The following LHX4 variants were observed in gnomAD, a reference collection of about 807,000 sequenced individuals.
LHX4 encodes the protein LIM homeobox 4, also known as LIM/homeobox protein Lhx4.
A neutral mutation model predicts 39.2 loss-of-function variants in LHX4; 16 were observed. The observed-to-expected ratio is 0.41, with a 90% CI of 0.28 to 0.62. The LOEUF (loss-of-function observed/expected upper bound fraction) is 0.62, where lower values mean the gene tolerates loss of function less well. Among genes scored for constraint, LHX4 ranks in the 20% least tolerant of loss-of-function variants. The pLI, the probability that LHX4 is intolerant of heterozygous loss-of-function variation, is 0.33. For synonymous variants in LHX4, 206 were observed against 198.1 expected (o/e 1.04, Z -0.33); for missense variants, 439 against 511.9 (o/e 0.86, Z 1.37).
Position 180,276,964 on chromosome 1 carries a change from A to G in LHX4, c.*2385A>G, listed in dbSNP as rs866786137. The G allele has an allele frequency of 1.3e-5, 2 of 152,216 alleles. No individual in the cohort carries two copies. The highest frequency in any genetic ancestry group is 6.5e-5 in the Admixed American group (1 of 15,284). 9.4% of individuals were successfully genotyped at this position (152,216 alleles called of 1,614,324 possible). A position where few individuals can be genotyped will look rare whatever the true frequency, so the allele number is the denominator to read the frequency against. ...GGAGAGGCCTTCCTCATTTATACTA[A>G]TAATATAATAAATCTCTTGAGGAAC... On this transcript the variant is annotated 3_prime_UTR_variant, in exon 6 of 6. Coordinates refer to ENST00000263726, the MANE Select transcript of LHX4 (RefSeq NM_033343.4).
rs1383693164 is a variant in LHX4 at position 180,271,468 on chromosome 1, C to T, written c.540C>T (p.Pro180=). ...ETLKNAYKNS[P]KPARHVREQL... is the part of the protein sequence containing the mutation. The stretch of plus-strand genomic sequence containing the variant: ...TAAAGAATGCATACAAGAACTCCCC[C>T]AAGCCTGCCCGGCACGTGAGGGAGC... The change falls in exon 4 of 6, where the codon CCC becomes CCT. Residue 180 remains proline (P), a synonymous_variant. Coordinates refer to ENST00000263726, the MANE Select transcript of LHX4 (RefSeq NM_033343.4). 6.2e-6 allele frequency: 10 copies of T among 1,614,198 alleles called. No homozygotes were observed. The highest frequency in any genetic ancestry group is 1.1e-5 in the South Asian group (1 of 91,088).
rs760897717 is a variant in LHX4 at position 180,274,355 on chromosome 1, A to T, written c.949A>T (p.Ile317Leu). The T allele has an allele frequency of 6.2e-7, 1 of 1,614,044 alleles. No individual in the cohort carries two copies. Among genetic ancestry groups the T allele is most frequent in the East Asian group, 2.2e-5 (1 of 44,886 alleles). ...PYGIPQSPSS[I>L]SSLPSHAPLL... ...TGGAATCCCCCAGTCTCCATCCTCCATATCGTCCCTGCCATCCCACGCTCC... is the reference window on the plus strand; with the variant it reads ...TGGAATCCCCCAGTCTCCATCCTCCTTATCGTCCCTGCCATCCCACGCTCC... The change falls in exon 6 of 6, where the codon ATA becomes TTA. Residue 317 changes from isoleucine to leucine, a missense_variant. By Grantham distance (5) the Ile-to-Leu change is conservative (BLOSUM62 2). Coordinates refer to ENST00000263726, the MANE Select transcript of LHX4 (RefSeq NM_033343.4).
At position 180,274,904 on chromosome 1, in the gene LHX4, T is replaced by C. The variant is rs2149269302; in HGVS notation, c.*325T>C. On this transcript the variant is annotated 3_prime_UTR_variant, in exon 6 of 6. Transcript: ENST00000263726. ...CAGTGCTTTGGTAGCACAAGGTGAC[T>C]GTGATAGGCCCCCTTGGCCTTTGGG... is the stretch of plus-strand genomic sequence containing the variant. 1 of 252,174 alleles carries C rather than the reference T, an allele frequency of 4.0e-6. No individual in the cohort carries two copies. Among genetic ancestry groups the C allele is most frequent in the South Asian group, 1.1e-4 (1 of 9,116 alleles). The allele number at this position is 252,174 out of a possible 1,614,324, so 15.6% of individuals were successfully genotyped here.
chr1:180,229,100 G>A (rs1246630786), upstream of LHX4, among the ~76,000 whole-genome samples: 2 of 152,228 alleles, frequency 1.3e-5, no homozygotes, highest in African/African-American at 2.4e-5. Flanking sequence ...AACTCGCGTT[G>A]AGGAGAATTT....
intron 2 of LHX4, among the ~76,000 whole-genome samples, chr1:180,258,351 G>A (rs1335215422): frequency 1.3e-5 from 2 of 152,214 alleles, no homozygotes; most frequent in Admixed American, 6.5e-5. Flanking sequence ...GAGTGGACTG[G>A]GCAGTGGAGG....
chr1:180,237,214 C>G (rs1270900975), intron 1 of LHX4, among the ~76,000 whole-genome samples: 16 of 127,854 alleles, frequency 1.3e-4, no homozygotes, highest in Admixed American at 1.8e-4. Flanking sequence ...TTTTACTCGG[C>G]GGGGGGGGCG....
rs1648333636 is a variant in LHX4 at position 180,266,731 on chromosome 1, C to T, written c.451+137C>T. On this transcript the variant is annotated intron_variant, in intron 3 of 5. Transcript: ENST00000263726. The surrounding 1 kb of genome is among the most constrained non-coding windows in gnomAD (Gnocchi z 5.7). ...CTCATGCACCGCCACCTCTGAGAAGCGTCCCAGATCTCCACACTGAGAGTA... is the reference window on the plus strand; with the variant it reads ...CTCATGCACCGCCACCTCTGAGAAGTGTCCCAGATCTCCACACTGAGAGTA... 7.3e-6 allele frequency: 6 copies of T among 818,340 alleles called. No individual in the cohort carries two copies. Among genetic ancestry groups the T allele is most frequent in the Admixed American group, 4.0e-5 (2 of 49,714 alleles). 50.7% of individuals were successfully genotyped at this position (818,340 alleles called of 1,614,324 possible).
chr1:180,273,931 G>A, intron 5 of LHX4: 1 of 541,866 alleles, frequency 1.8e-6, no homozygotes, highest in South Asian at 2.0e-5. Flanking sequence ...GGACCAACGA[G>A]CTCACCAAAC....
In LHX4 at chr1:180,251,208, C is replaced by T. The variant is rs376984513; in HGVS notation, c.248+2752C>T. 9.4e-4 allele frequency among the ~76,000 whole-genome samples: 143 copies of T among 152,344 alleles called. 1 individual carries two copies. Among genetic ancestry groups the T allele is most frequent in the South Asian group, 5.6e-3 (27 of 4,828 alleles). Reference sequence around the variant, plus strand: ...CTGGCGCATCAGAGCCTCCTGCCGGCGCTCCCTTCCAGTCCTAGCCCGCTG... The same window carrying T: ...CTGGCGCATCAGAGCCTCCTGCCGGTGCTCCCTTCCAGTCCTAGCCCGCTG... On this transcript the variant is annotated intron_variant, in intron 2 of 5. Coordinates refer to ENST00000263726, the MANE Select transcript of LHX4 (RefSeq NM_033343.4).
intron 1 of LHX4, among the ~76,000 whole-genome samples, chr1:180,247,760 T>G (rs2149256241): frequency 6.6e-6 from 1 of 152,374 alleles, no homozygotes; most frequent in Middle Eastern, 3.4e-3. Flanking sequence ...ACACTCAGGC[T>G]TGGACCTTGA....
In LHX4 at chr1:180,278,920, T is replaced by G. The variant is rs144160869; in HGVS notation, c.*4341T>G. 5.2e-4 allele frequency: 79 copies of G among 152,326 alleles called. No individual in the cohort carries two copies. Among genetic ancestry groups the G allele is most frequent in the African/African-American group, 1.8e-3 (76 of 41,570 alleles). The allele number at this position is 152,326 out of a possible 1,614,324, so 9.4% of individuals were successfully genotyped here. On this transcript the variant is annotated 3_prime_UTR_variant, in exon 6 of 6. Transcript: ENST00000263726. ...GCTGGTGCGTTTGTTTGTATATGCCTCCTGTGTGTTGGCATGAGATGTGTA... is the reference window on the plus strand; with the variant it reads ...GCTGGTGCGTTTGTTTGTATATGCCGCCTGTGTGTTGGCATGAGATGTGTA...
chr1:180,272,937 C>T (rs1648772515), intron 5 of LHX4: 1 of 152,328 alleles, frequency 6.6e-6, no homozygotes, highest in African/African-American at 2.4e-5. Flanking sequence ...GTGTGGCTCC[C>T]GCAGAGGGCC....
Position 180,236,522 on chromosome 1 carries a change from G to A in LHX4, c.76+5917G>A, listed in dbSNP as rs1432551518. Among the ~76,000 whole-genome samples the A allele has an allele frequency of 2.0e-5, 3 of 152,330 alleles. No individual in the cohort carries two copies. In the East Asian group the frequency reaches 5.8e-4, roughly 29 times the overall value. ...AGGATGGGGCTTGCAGTCCTGCAGG[G>A]ATGGAAAATTAGTTAACAGGAATTA... is the stretch of plus-strand genomic sequence containing the variant. On this transcript the variant is annotated intron_variant, in intron 1 of 5. Coordinates refer to ENST00000263726, the MANE Select transcript of LHX4 (RefSeq NM_033343.4).
Position 180,234,440 on chromosome 1 carries a change from CA to C in LHX4, c.76+3836del, listed in dbSNP as rs1262163539. On this transcript the variant is annotated intron_variant, in intron 1 of 5. Transcript: ENST00000263726. The surrounding 1 kb of genome is among the most constrained non-coding windows in gnomAD (Gnocchi z 4.8). ...CCAGCCCCTGGCCAGAGCTGTGTAC[CA>C]CAAAGAAGGGAGTTTGGAGAAACCC... Among the ~76,000 whole-genome samples the C allele has an allele frequency of 6.6e-6, 1 of 152,038 alleles. No individual in the cohort carries two copies. The highest frequency in any genetic ancestry group is 1.9e-4 in the East Asian group (1 of 5,160).
At chr1:180,271,168 G>T (rs1245859172) in intron 3 of LHX4, 1 of 633,206 alleles carries the variant, frequency 1.6e-6, no homozygotes, top group African/African-American at 1.8e-5. Context: ...AAGGACTGCT[G>T]TCCTCACTTT....
chr1:180,276,686 A>G lies in LHX4; in HGVS notation c.*2107A>G, dbSNP rs1649048092. On this transcript the variant is annotated 3_prime_UTR_variant, in exon 6 of 6. Transcript: ENST00000263726. ...CAGGCTGCTTAAAATACACAGGAGA[A>G]AAGGCTCTGCTGGGCAATGAACCAG... 1 of 152,172 alleles carries G rather than the reference A, an allele frequency of 6.6e-6. No homozygotes were observed. Among genetic ancestry groups the G allele is most frequent in the Non-Finnish European group, 1.5e-5 (1 of 68,030 alleles). The allele number at this position is 152,172 out of a possible 1,614,324, so 9.4% of individuals were successfully genotyped here.
intron 2 of LHX4, among the ~76,000 whole-genome samples, chr1:180,264,582 C>G (rs931707786): frequency 1.1e-4 from 17 of 152,214 alleles, no homozygotes; most frequent in African/African-American, 3.9e-4. Flanking sequence ...TGCACATCCT[C>G]TACAAGTATG....
chr1:180,269,095 CATAT>C (rs756031142), intron 3 of LHX4, among the ~76,000 whole-genome samples: 2 of 151,278 alleles, frequency 1.3e-5, no homozygotes, highest in Non-Finnish European at 2.9e-5. Context: ...TCAAAACTAA[CATAT>C]TTTAAGACTA....
intron 2 of LHX4, chr1:180,248,691 G>A: frequency 1.7e-6 from 1 of 575,908 alleles, no homozygotes. Context: ...TGGGGCAGGG[G>A]TGAGGAGCCA....
Sources: gnomAD v4.1 joint callset for allele counts (sites outside exome capture counted in the v4.1 genomes callset) on GRCh38, gnomAD v4.1.1 for gene constraint, Gnocchi (gnomAD v3.1) non-coding constraint, MANE v1.5 for transcripts, NCBI Gene and HGNC (gene_info 2026-07-23, HGNC 2026-07-21) for gene names.